Variants in DNAH8 observed in about 807,000 individuals in gnomAD.
DNAH8 encodes dynein axonemal heavy chain 8, also known as axonemal beta dynein heavy chain 8.
In DNAH8, 382 loss-of-function variants were observed where a neutral mutation model predicts 562.1. The observed-to-expected ratio is 0.68, with a 90% CI of 0.63 to 0.74. The LOEUF (loss-of-function observed/expected upper bound fraction) is 0.74. Ranked by LOEUF, DNAH8 falls within the 30% of genes least tolerant of loss-of-function variation. The probability of loss-of-function intolerance (pLI) is 0.00; values close to 1 mark genes in which losing one functional copy is unlikely to be tolerated. For missense variants in DNAH8, 5,203 were observed against 5,620.4 expected (o/e 0.93, Z 2.37); for synonymous variants, 1,881 against 1,919.4 (o/e 0.98, Z 0.52).
chr6:38,837,602 T>G (rs1459901379), intron 32 of DNAH8, among the ~76,000 whole-genome samples: 6 of 152,212 alleles, frequency 3.9e-5, no homozygotes, highest in Non-Finnish European at 8.8e-5. Context: ...AGATGGCCAG[T>G]CTAAATTACT....
chr6:38,738,054 G>A (rs1764242867), intron 7 of DNAH8, 82 bp downstream of exon 7: 6 of 1,403,532 alleles, frequency 4.3e-6, no homozygotes, highest in Non-Finnish European at 5.9e-6. Flanking sequence ...TAACAGCAAA[G>A]GGAAGAGGTG....
chr6:38,784,936 A>G (rs1361147704), intron 17 of DNAH8, among the ~76,000 whole-genome samples: 1 of 152,216 alleles, frequency 6.6e-6, no homozygotes, highest in East Asian at 1.9e-4. Flanking sequence ...AATGTCCAAT[A>G]AGTAGACATT....
At chr6:38,986,585 A>G (rs989208927) in intron 87 of DNAH8, among the ~76,000 whole-genome samples, 6 of 152,228 alleles carry the variant, frequency 3.9e-5, no homozygotes, top group African/African-American at 1.2e-4. Context: ...AAAAAAAAAG[A>G]TGTCTTAATA....
At chr6:38,790,945 A>G (rs1769685250) in intron 20 of DNAH8, among the ~76,000 whole-genome samples, 1 of 152,178 alleles carries the variant, frequency 6.6e-6, no homozygotes, top group African/African-American at 2.4e-5. Context: ...TGATGGTTCA[A>G]CTTCACACTG....
In DNAH8 at chr6:38,974,443, A is replaced by G. The variant is rs1264270574; in HGVS notation, c.12748A>G (p.Ile4250Val). Residue 4250 changes from isoleucine to valine, a missense_variant, in exon 85 of 93, where the codon ATT becomes GTT. Ile to Val is a conservative substitution (Grantham distance 29). Around this residue, in one of 6 missense-constraint regions of DNAH8, gnomAD observed 1,399 missense variants for 1,518.4 expected, o/e 0.92. Transcript: ENST00000327475. Reference sequence around the variant, plus strand: ...AGGTTTGAAAAGAACATTTGCTGGAATTAATCAAGACCTTCTGGACATCAG... The same window carrying G: ...AGGTTTGAAAAGAACATTTGCTGGAGTTAATCAAGACCTTCTGGACATCAG... Reference protein sequence around the residue: ...RAGLKRTFAGINQDLLDISNL... With the variant: ...RAGLKRTFAGVNQDLLDISNL... The G allele has an allele frequency of 6.2e-7, 1 of 1,613,844 alleles. No homozygotes were observed. Among genetic ancestry groups the G allele is most frequent in the Non-Finnish European group, 8.5e-7 (1 of 1,179,822 alleles).
intron 62 of DNAH8, among the ~76,000 whole-genome samples, chr6:38,904,384 G>A (rs1257420882): frequency 1.3e-5 from 2 of 152,106 alleles, no homozygotes; most frequent in Non-Finnish European, 2.9e-5. Flanking sequence ...AAAGAATTCT[G>A]GGGTCTCCCA....
chr6:38,968,084 A>G (rs574891843), intron 82 of DNAH8, among the ~76,000 whole-genome samples: 16 of 152,202 alleles, frequency 1.1e-4, no homozygotes, highest in Non-Finnish European at 2.2e-4. Flanking sequence ...GGAAGAACTG[A>G]TATGCATTTG....
At chr6:38,829,189 C>T (rs900879644) in intron 30 of DNAH8, among the ~76,000 whole-genome samples, 16 of 151,890 alleles carry the variant, frequency 1.1e-4, no homozygotes, top group Non-Finnish European at 2.4e-4. Context: ...ATTTTGTTGT[C>T]TTTTTACTTT....
At chr6:38,962,568 C>T (rs1762670980) in intron 82 of DNAH8, among the ~76,000 whole-genome samples, 1 of 152,092 alleles carries the variant, frequency 6.6e-6, no homozygotes, top group Admixed American at 6.5e-5. Flanking sequence ...GTTGAGATAG[C>T]AGGTTAACTT....
intron 82 of DNAH8, among the ~76,000 whole-genome samples, chr6:38,960,373 A>G (rs1204722000): frequency 6.6e-6 from 1 of 151,910 alleles, no homozygotes; most frequent in Non-Finnish European, 1.5e-5. Context: ...GCATCTGACA[A>G]GGTGTTAATA....
At chr6:38,877,660 C>T (rs1015822889) in intron 53 of DNAH8, among the ~76,000 whole-genome samples, 4 of 152,118 alleles carry the variant, frequency 2.6e-5, no homozygotes, top group Non-Finnish European at 4.4e-5. Context: ...TCTAGCCAGC[C>T]CTTTCTTAAC....
At chr6:38,971,472 A>ATTTT (rs3047889) in intron 82 of DNAH8, 120 bp from the exon 83 acceptor site, 1,127 of 471,920 alleles carry the variant, frequency 2.4e-3, no homozygotes, top group African/African-American at 3.7e-3. Flanking sequence ...AACAGCAAAG[A>ATTTT]TTTTTTTTTT....
intron 18 of DNAH8, among the ~76,000 whole-genome samples, chr6:38,787,718 A>G (rs909782839): frequency 2.9e-5 from 4 of 138,732 alleles, no homozygotes; most frequent in Admixed American, 1.5e-4. Context: ...AAAAAAAAAA[A>G]GTGCCATCAA....
At chr6:38,769,937 A>G (rs896438736) in intron 11 of DNAH8, among the ~76,000 whole-genome samples, 1 of 152,226 alleles carries the variant, frequency 6.6e-6, no homozygotes, top group Non-Finnish European at 1.5e-5. Flanking sequence ...TATTTCTATT[A>G]TGTTCACAAA....
At chr6:38,856,172 T>C (rs1329484186) in intron 41 of DNAH8, among the ~76,000 whole-genome samples, 2 of 152,228 alleles carry the variant, frequency 1.3e-5, no homozygotes, top group Non-Finnish European at 2.9e-5. Context: ...TGAGGTCAGC[T>C]TTATTTTAGT....
At chr6:38,856,023 C>A (rs1776168635) in intron 41 of DNAH8, among the ~76,000 whole-genome samples, 1 of 152,210 alleles carries the variant, frequency 6.6e-6, no homozygotes, top group Non-Finnish European at 1.5e-5. Context: ...GCCAAAAAGG[C>A]TGGGGACCAC....
At chr6:39,023,231 G>A (rs146463832) in intron 91 of DNAH8, among the ~76,000 whole-genome samples, 5 of 152,288 alleles carry the variant, frequency 3.3e-5, no homozygotes, top group African/African-American at 4.8e-5. Context: ...AGTGGCTCAC[G>A]ACTGTAATCC....
Position 38,896,646 on chromosome 6 carries a change from A to C in DNAH8, c.8940+421A>C, listed in dbSNP as rs139758435. ...GAGAGAGAGAGAGTTCAGTAAGATG[A>C]CCAAGCATTATATAAATGTGAAATA... On this transcript the variant is annotated intron_variant, in intron 60 of 92. Transcript: ENST00000327475. Among the ~76,000 whole-genome samples the C allele has an allele frequency of 1.3e-3, 204 of 152,200 alleles. 1 individual carries two copies. The highest frequency in any genetic ancestry group is 4.6e-3 in the African/African-American group (192 of 41,562).
intron 36 of DNAH8, among the ~76,000 whole-genome samples, chr6:38,847,527 C>T (rs907845682): frequency 6.6e-6 from 1 of 152,050 alleles, no homozygotes; most frequent in Non-Finnish European, 1.5e-5. Context: ...GGATTACCTA[C>T]CTCCTTAGAG....
Sources: gnomAD v4.1 joint callset for allele counts (sites outside exome capture counted in the v4.1 genomes callset) on GRCh38, gnomAD v4.1.1 for gene constraint, gnomAD v4.1.1 regional missense constraint, MANE v1.5 for transcripts, NCBI Gene and HGNC (gene_info 2026-07-23, HGNC 2026-07-21) for gene names.